The following NACC2 variants were observed in gnomAD, a reference collection of about 807,000 sequenced individuals.
NACC2 encodes NACC family member 2.
NACC2 carries 8 observed loss-of-function variants against 25.1 expected under a neutral mutation model. The ratio of observed to expected loss-of-function variants is 0.32; its 90% CI spans 0.19 to 0.57. The LOEUF is 0.57. Among genes scored for constraint, NACC2 ranks in the 20% least tolerant of loss-of-function variants. The pLI is 0.89. For missense variants in NACC2, 644 were observed against 650.2 expected (o/e 0.99, Z 0.10); for synonymous variants, 435 against 294.7 (o/e 1.48, Z -4.88).
chr9:136,049,607 T>C (rs1840784287), intron 2 of NACC2, 29 bp downstream of exon 2: 1 of 760,826 alleles, frequency 1.3e-6, no homozygotes, highest in Non-Finnish European at 2.5e-6. Context: ...CCCAGCCAGG[T>C]GGTGTGGGGC....
chr9:136,089,289 C>T (rs948915780), intron 1 of NACC2, among the ~76,000 whole-genome samples: 2 of 152,124 alleles, frequency 1.3e-5, no homozygotes, highest in Admixed American at 1.3e-4. Context: ...AAGGAGGACC[C>T]ACGGGCCACG....
At chr9:136,082,719 A>G (rs1830336664) in intron 1 of NACC2, among the ~76,000 whole-genome samples, 1 of 152,108 alleles carries the variant, frequency 6.6e-6, no homozygotes, top group African/African-American at 2.4e-5. Context: ...GCAGCCCTCA[A>G]TCCAGCGTGT....
At chr9:136,051,003 C>T (rs901741812) in intron 1 of NACC2, among the ~76,000 whole-genome samples, 4 of 152,202 alleles carry the variant, frequency 2.6e-5, no homozygotes, top group African/African-American at 9.6e-5. Flanking sequence ...ACAGGAGCTC[C>T]CGGGAGGGGC....
intron 2 of NACC2, 44 bp downstream of exon 2, chr9:136,049,592 C>A: frequency 1.3e-6 from 1 of 744,606 alleles, no homozygotes. Context: ...AGGCAGGCCC[C>A]GCTTCCCAGC....
chr9:136,068,096 GGTGAGTGAGTA>G (rs1252438091), intron 1 of NACC2, among the ~76,000 whole-genome samples: 1 of 152,182 alleles, frequency 6.6e-6, no homozygotes, highest in Non-Finnish European at 1.5e-5. Context: ...CATTGCTCTG[GGTGAGTGAGTA>G]GTGAGAGAAT....
chr9:136,047,063 G>C (rs1056974291), intron 2 of NACC2, among the ~76,000 whole-genome samples: 4 of 152,160 alleles, frequency 2.6e-5, no homozygotes, highest in African/African-American at 7.2e-5. Flanking sequence ...TGAGGCCAGG[G>C]AGGAGGAGGA....
chr9:136,065,108 A>G (rs1384777628), intron 1 of NACC2, among the ~76,000 whole-genome samples: 10 of 152,258 alleles, frequency 6.6e-5, no homozygotes, highest in Admixed American at 2.0e-4. Context: ...AACTCTTACA[A>G]GAAAAGACAG....
In NACC2 at chr9:136,007,689, G is replaced by T. The variant is rs996359633; in HGVS notation, c.*3827C>A. ...TACGAGCTCTGGATTCTGCGCTTAGGACTCGCTGCTGGCAGAGGCAGACAG... is the reference window on the plus strand; with the variant it reads ...TACGAGCTCTGGATTCTGCGCTTAGTACTCGCTGCTGGCAGAGGCAGACAG... On this transcript the variant is annotated 3_prime_UTR_variant, in exon 6 of 6. Coordinates refer to ENST00000277554, the MANE Select transcript of NACC2 (RefSeq NM_144653.5). 4 of 152,268 alleles carry T rather than the reference G, an allele frequency of 2.6e-5. No homozygotes were observed. Among genetic ancestry groups the T allele is most frequent in the Non-Finnish European group, 4.4e-5 (3 of 68,064 alleles). 9.4% of individuals were successfully genotyped at this position (152,268 alleles called of 1,614,324 possible). A position where few individuals can be genotyped will look rare whatever the true frequency, so the allele number is the denominator to read the frequency against.
chr9:136,042,349 A>G (rs1840645852), intron 2 of NACC2, among the ~76,000 whole-genome samples: 1 of 152,196 alleles, frequency 6.6e-6, no homozygotes. Context: ...TCAAGAATTA[A>G]AGCTACAGTA....
At position 136,095,270 on chromosome 9, in the gene NACC2, G is replaced by C. The variant is rs976048027; in HGVS notation, c.-141C>G. On this transcript the variant is annotated 5_prime_UTR_variant, in exon 1 of 6. Transcript: ENST00000277554. ...GAAGTGCTTGGCGTCCCGGCGCTCC[G>C]GCTCCCATGGACTTTCTCCGACCTC... 61 of 147,610 alleles carry C rather than the reference G, an allele frequency of 4.1e-4. No homozygotes were observed. Among genetic ancestry groups the C allele is most frequent in the African/African-American group, 1.4e-3 (58 of 41,018 alleles). The allele number at this position is 147,610 out of a possible 1,614,324, so 9.1% of individuals were successfully genotyped here. A position where few individuals can be genotyped will look rare whatever the true frequency, so the allele number is the denominator to read the frequency against.
At chr9:136,056,528 C>G (rs1356341197) in intron 1 of NACC2, among the ~76,000 whole-genome samples, 1 of 152,192 alleles carries the variant, frequency 6.6e-6, no homozygotes, top group Admixed American at 6.5e-5. Flanking sequence ...GATGCCTGGC[C>G]CCGCCCAACA....
chr9:136,035,784 T>C (rs984586734), intron 2 of NACC2, among the ~76,000 whole-genome samples: 1 of 152,118 alleles, frequency 6.6e-6, no homozygotes, highest in Non-Finnish European at 1.5e-5. Flanking sequence ...AATGGTTTAG[T>C]GAAAAACCTC....
Position 136,082,977 on chromosome 9 carries a change from C to T in NACC2, c.-60+12212G>A, listed in dbSNP as rs1830339551. On this transcript the variant is annotated intron_variant, in intron 1 of 5. Coordinates refer to ENST00000277554, the MANE Select transcript of NACC2 (RefSeq NM_144653.5). Reference sequence around the variant, plus strand: ...AGATATCAGGGCGAGGGGGAAGACGCCGTGTTTTACGGCTGTCATAACTTC... The same window carrying T: ...AGATATCAGGGCGAGGGGGAAGACGTCGTGTTTTACGGCTGTCATAACTTC... Among the ~76,000 whole-genome samples the T allele has an allele frequency of 3.9e-5, 6 of 152,222 alleles. No individual in the cohort carries two copies. The South Asian group carries it at 1.0e-3, about 26-fold the overall frequency.
intron 1 of NACC2, among the ~76,000 whole-genome samples, chr9:136,061,154 G>C (rs1397155124): frequency 6.6e-6 from 1 of 152,070 alleles, no homozygotes; most frequent in Admixed American, 6.5e-5. Flanking sequence ...AACCCCATCC[G>C]GGTCTGCACA....
At position 136,016,422 on chromosome 9, in the gene NACC2, C is replaced by T; in HGVS notation, c.894G>A (p.Glu298=). 6.2e-7 allele frequency: 1 copy of T among 1,610,954 alleles called. No homozygotes were observed. The highest frequency in any genetic ancestry group is 1.3e-5 in the African/African-American group (1 of 74,978). The stretch of plus-strand genomic sequence containing the variant: ...TCTCCAGCGGCACTGGCTCAGGCTT[C>T]TCTTGCACTGTGGGCCCAGAACCAA... The part of the protein sequence containing the change: ...IKASGSYAVQ[E]KPEPVPLESR... Residue 298 remains glutamate, a synonymous_variant, in exon 3 of 6, where the codon GAG becomes GAA. Transcript: ENST00000277554.
rs761431532 is a variant in NACC2 at position 136,011,782 on chromosome 9, G to A, written c.1498C>T (p.Arg500Trp). Residue 500 changes from arginine (R) to tryptophan (W), a missense_variant, in exon 6 of 6, where the codon CGG becomes TGG. Arg to Trp is a moderately radical substitution (Grantham distance 101). Coordinates refer to ENST00000277554, the MANE Select transcript of NACC2 (RefSeq NM_144653.5). ...GCCACGATGGTGGCGGCGTCGCCCC[G>A]CCGCTCGGCGTAGATGCGTTGCTCG... ...VFEQRIYAER[R>W]GDAATIVALR... 12 of 1,545,856 alleles carry A rather than the reference G, an allele frequency of 7.8e-6. No homozygotes were observed. Among genetic ancestry groups the A allele is most frequent in the East Asian group, 2.4e-5 (1 of 42,026 alleles).
intron 1 of NACC2, among the ~76,000 whole-genome samples, chr9:136,078,018 C>T (rs921810970): frequency 1.3e-5 from 2 of 152,190 alleles, no homozygotes; most frequent in African/African-American, 2.4e-5. Flanking sequence ...GTGATCCACC[C>T]GCCTCGGCCT....
Position 136,051,808 on chromosome 9 carries a change from C to G in NACC2, c.-59-1228G>C, listed in dbSNP as rs903679183. The stretch of plus-strand genomic sequence containing the variant: ...AGGCTCCCCGCACGCAGCCCGCCTG[C>G]CCAGCTGCTCCGCGAATGCAGCAAA... On this transcript the variant is annotated intron_variant, in intron 1 of 5. Transcript: ENST00000277554. Among the ~76,000 whole-genome samples, 540 of 152,042 alleles carry G rather than the reference C, an allele frequency of 3.6e-3. 4 individuals carry two copies. The highest frequency in any genetic ancestry group is 0.012 in the African/African-American group (503 of 41,436).
At chr9:136,048,836 T>TCCCATCAGGGCACA (rs1453145343) in intron 2 of NACC2, among the ~76,000 whole-genome samples, 9 of 152,110 alleles carry the variant, frequency 5.9e-5, no homozygotes, top group Non-Finnish European at 1.2e-4. Context: ...ATATGCGTGG[T>TCCCATCAGGGCACA]GGGGTGGAGA....
Sources: gnomAD v4.1 joint callset for allele counts (sites outside exome capture counted in the v4.1 genomes callset) on GRCh38, gnomAD v4.1.1 for gene constraint, MANE v1.5 for transcripts, NCBI Gene and HGNC (gene_info 2026-07-23, HGNC 2026-07-21) for gene names.